FSTL4: variants seen among roughly 807,000 people sequenced by gnomAD.
FSTL4 encodes follistatin-related protein 4.
In FSTL4, 28 loss-of-function variants were observed where a neutral mutation model predicts 78.2. The ratio of observed to expected loss-of-function variants is 0.36; its 90% CI spans 0.27 to 0.49. FSTL4 has a LOEUF of 0.49. Among genes scored for constraint, FSTL4 ranks in the 20% least tolerant of loss-of-function variants. FSTL4 has a pLI of 0.98. For missense variants in FSTL4, 922 were observed against 1,084.9 expected, an observed-to-expected ratio of 0.85 and a Z score of 2.11; for synonymous variants, 422 against 440.5, an observed-to-expected ratio of 0.96 and a Z score of 0.53.
the FSTL4 span, among the ~76,000 whole-genome samples, chr5:133,789,828 G>A: frequency 6.6e-6 from 1 of 152,172 alleles, no homozygotes; most frequent in Non-Finnish European, 1.5e-5. Flanking sequence ...ATAAGGACAT[G>A]AATTTTATTG....
intron 8 of FSTL4, among the ~76,000 whole-genome samples, chr5:133,232,174 C>T (rs941618268): frequency 7.2e-5 from 11 of 152,148 alleles, no homozygotes; most frequent in Non-Finnish European, 1.5e-5. Context: ...CGTCAGTGCT[C>T]GGGCCGCATC....
the FSTL4 span, among the ~76,000 whole-genome samples, chr5:133,722,975 T>A: frequency 6.6e-6 from 1 of 152,188 alleles, no homozygotes; most frequent in Non-Finnish European, 1.5e-5. Context: ...TCCTCCTGTT[T>A]TTGTCTTCCC....
chr5:133,261,183 C>T (rs1046733147), intron 6 of FSTL4, among the ~76,000 whole-genome samples: 1 of 152,118 alleles, frequency 6.6e-6, no homozygotes, highest in African/African-American at 2.4e-5. Flanking sequence ...GAGAAGGCCC[C>T]ACTGCATGTT....
rs1007170166 is a variant in FSTL4, at chr5:133,567,169, G to A, written c.160+17C>T. 7.0e-6 allele frequency: 11 copies of A among 1,564,234 alleles called. No individual in the cohort carries two copies. Among genetic ancestry groups the A allele is most frequent in the South Asian group, 3.3e-5 (3 of 90,070 alleles). ...TCAACACTGAAAATAAAATGGGTAT[G>A]AGTGCATTTTTCCTACCTTCTCTTC... On this transcript the variant is annotated intron_variant, in intron 3 of 15. Coordinates refer to ENST00000265342, the MANE Select transcript of FSTL4 (RefSeq NM_015082.2).
intron 3 of FSTL4, among the ~76,000 whole-genome samples, chr5:133,562,436 T>C (rs1295638520): frequency 6.6e-6 from 1 of 152,164 alleles, no homozygotes; most frequent in Non-Finnish European, 1.5e-5. Context: ...TTCCACGGGT[T>C]TTCAGAAAGT....
chr5:133,433,358 C>T (rs896606481), intron 3 of FSTL4, among the ~76,000 whole-genome samples: 4 of 152,214 alleles, frequency 2.6e-5, no homozygotes, highest in African/African-American at 7.2e-5. Flanking sequence ...TAACTGGCAA[C>T]GGGGTACCCA....
intron 3 of FSTL4, among the ~76,000 whole-genome samples, chr5:133,512,551 T>C (rs191589820): frequency 1.9e-4 from 29 of 152,370 alleles, no homozygotes. Flanking sequence ...TTATAGTACA[T>C]GTCCTTCAAT....
intron 3 of FSTL4, among the ~76,000 whole-genome samples, chr5:133,422,920 T>C (rs537657148): frequency 6.6e-6 from 1 of 152,356 alleles, no homozygotes; most frequent in South Asian, 2.1e-4. Context: ...AGTTGTAATG[T>C]CTTAGAAACA....
At chr5:133,229,377 G>A (rs1223484878) in intron 8 of FSTL4, among the ~76,000 whole-genome samples, 1 of 152,086 alleles carries the variant, frequency 6.6e-6, no homozygotes, top group Non-Finnish European at 1.5e-5. Flanking sequence ...CAAAAAATTA[G>A]CCAGATATGG....
chr5:133,721,069 C>T, the FSTL4 span: 71 of 152,300 alleles, frequency 4.7e-4, no homozygotes, highest in African/African-American at 1.7e-3. Flanking sequence ...TTGCATTTTC[C>T]TAGTGATTAA....
At chr5:133,798,504 T>C in the FSTL4 span, among the ~76,000 whole-genome samples, 2 of 144,504 alleles carry the variant, frequency 1.4e-5, no homozygotes, top group Non-Finnish European at 3.0e-5. Context: ...AAGACTAGAT[T>C]TAGAAAAAAA....
intron 4 of FSTL4, among the ~76,000 whole-genome samples, chr5:133,390,376 G>A (rs1755813302): frequency 6.6e-6 from 1 of 152,258 alleles, no homozygotes; most frequent in African/African-American, 2.4e-5. Flanking sequence ...AAAGCAGAGG[G>A]AAGAACTCTC....
intron 1 of FSTL4, among the ~76,000 whole-genome samples, chr5:133,604,375 G>C (rs1760931752): frequency 6.6e-6 from 1 of 152,118 alleles, no homozygotes; most frequent in Non-Finnish European, 1.5e-5. Context: ...AGTTTCCTGA[G>C]AAAGCATTTG....
intron 3 of FSTL4, among the ~76,000 whole-genome samples, chr5:133,525,955 G>A (rs1043343439): frequency 6.6e-6 from 1 of 152,154 alleles, no homozygotes; most frequent in Non-Finnish European, 1.5e-5. Context: ...TGTATTACAT[G>A]CTCAGCACTG....
chr5:133,291,364 G>A (rs115923799), intron 6 of FSTL4, among the ~76,000 whole-genome samples: 2,330 of 152,310 alleles, frequency 0.015, 58 homozygotes, highest in African/African-American at 0.051. Flanking sequence ...GCACCTGAGT[G>A]TCTCAGACAG....
intron 6 of FSTL4, among the ~76,000 whole-genome samples, chr5:133,299,524 T>C (rs2126876281): frequency 6.6e-6 from 1 of 152,270 alleles, no homozygotes; most frequent in East Asian, 1.9e-4. Context: ...TTTTCCAAAG[T>C]GGACAGTCAG....
At chr5:133,456,373 T>C (rs908582365) in intron 3 of FSTL4, among the ~76,000 whole-genome samples, 1 of 152,252 alleles carries the variant, frequency 6.6e-6, no homozygotes, top group Non-Finnish European at 1.5e-5. Context: ...GCTTCTACTT[T>C]TTGCTTTAGC....
At chr5:133,433,684 G>A (rs903162405) in intron 3 of FSTL4, among the ~76,000 whole-genome samples, 1 of 152,124 alleles carries the variant, frequency 6.6e-6, no homozygotes, top group Admixed American at 6.5e-5. Flanking sequence ...ACATTGATTC[G>A]ATAGGTAAAG....
At chr5:133,382,258 G>A (rs1329571267) in intron 4 of FSTL4, among the ~76,000 whole-genome samples, 1 of 152,238 alleles carries the variant, frequency 6.6e-6, no homozygotes, top group Non-Finnish European at 1.5e-5. Flanking sequence ...GTGGGCCTGG[G>A]TCTGTGAGCT....
Sources: gnomAD v4.1 joint callset for allele counts (sites outside exome capture counted in the v4.1 genomes callset) on GRCh38, gnomAD v4.1.1 for gene constraint, MANE v1.5 for transcripts, NCBI Gene and HGNC (gene_info 2026-07-23, HGNC 2026-07-21) for gene names.